Variants in VWF observed in about 807,000 individuals in gnomAD.
The protein encoded by VWF is von Willebrand factor.
In VWF, 176 loss-of-function variants were observed where a neutral mutation model predicts 308.6. That is an observed-to-expected ratio of 0.57 (90% CI 0.50 to 0.65). The LOEUF is 0.65. Among genes scored for constraint, VWF ranks in the 30% least tolerant of loss-of-function variants. The pLI, the probability that VWF is intolerant of heterozygous loss-of-function variation, is 0.00. For synonymous variants in VWF, 1,385 were observed against 1,443.4 expected (o/e 0.96, Z 0.92); for missense variants, 3,146 against 3,648.2 (o/e 0.86, Z 3.55).
chr12:6,040,411 A>G (rs920887974), intron 18 of VWF, among the ~76,000 whole-genome samples: 1 of 152,104 alleles, frequency 6.6e-6, no homozygotes, highest in African/African-American at 2.4e-5. Context: ...ATCTCTGTTC[A>G]TGGCAGGATT....
chr12:6,013,805 A>G (rs1944024508), intron 31 of VWF, among the ~76,000 whole-genome samples, 160 bp from the exon 32 acceptor site: 1 of 152,304 alleles, frequency 6.6e-6, no homozygotes, highest in Middle Eastern at 3.4e-3. Flanking sequence ...GATATTAATG[A>G]GCTGCTACTC....
At position 6,020,782 on chromosome 12, in the gene VWF, A is replaced by C. The variant is rs1308458182; in HGVS notation, c.3675-1039T>G. Among the ~76,000 whole-genome samples the C allele has an allele frequency of 3.3e-5, 5 of 152,244 alleles. No individual in the cohort carries two copies. The highest frequency in any genetic ancestry group is 1.2e-4 in the African/African-American group (5 of 41,456). On this transcript the variant is annotated intron_variant, in intron 27 of 51. Transcript: ENST00000261405. This position sits in a 1 kb window ranked among gnomAD's most constrained non-coding sequence, Gnocchi z 4.3. The stretch of plus-strand genomic sequence containing the variant: ...AAGTGTCCCCCTGCGGCTTGATACC[A>C]GGTGATGCCACCAGCCTGCTGTGGG...
At chr12:6,034,270 G>A (rs573765934) in intron 20 of VWF, among the ~76,000 whole-genome samples, 3 of 152,316 alleles carry the variant, frequency 2.0e-5, no homozygotes, top group African/African-American at 7.2e-5. Context: ...ACTGTGCACT[G>A]CCCAGGGTGC....
rs7135169 is a variant in VWF, at chr12:6,051,568, C to G, written c.2186+975G>C. ...GGATTACAGGCGTGAGCCACTGTGC[C>G]TGGCCAATCAGGATGTTTCTAACTG... On this transcript the variant is annotated intron_variant, in intron 16 of 51. Transcript: ENST00000261405. 6.6e-3 allele frequency among the ~76,000 whole-genome samples: 1,009 copies of G among 152,274 alleles called. 13 individuals are homozygous for G. Among genetic ancestry groups the G allele is most frequent in the African/African-American group, 0.023 (943 of 41,544 alleles).
chr12:5,981,957 T>TGGTGGGG lies in VWF; in HGVS notation c.7115_7116insCCCCACC (p.Ser2374ThrfsTer19). ...GCAAACGGTGCGGGGGGCAGGAGGG[T>TGGTGGGG]GGGGACACTCTTTTGCACTCCTCCT... On this transcript the variant is annotated frameshift_variant, in exon 42 of 52. Coordinates refer to ENST00000261405, the MANE Select transcript of VWF (RefSeq NM_000552.5). LOFTEE classifies it high-confidence loss of function. The TGGTGGGG allele has an allele frequency of 9.0e-7, 1 of 1,115,772 alleles. No individual in the cohort carries two copies. The highest frequency in any genetic ancestry group is 1.3e-6 in the Non-Finnish European group (1 of 775,398). 69.1% of individuals were successfully genotyped at this position (1,115,772 alleles called of 1,614,324 possible). A position where few individuals can be genotyped will look rare whatever the true frequency, so the allele number is the denominator to read the frequency against.
In VWF at chr12:6,063,975, G is replaced by A. The variant is rs1240102657; in HGVS notation, c.1432+271C>T. 2.6e-5 allele frequency among the ~76,000 whole-genome samples: 4 copies of A among 151,622 alleles called. No homozygotes were observed. Among genetic ancestry groups the A allele is most frequent in the African/African-American group, 4.8e-5 (2 of 41,242 alleles). On this transcript the variant is annotated intron_variant, in intron 12 of 51. Coordinates refer to ENST00000261405, the MANE Select transcript of VWF (RefSeq NM_000552.5). This position sits in a 1 kb window ranked among gnomAD's most constrained non-coding sequence, Gnocchi z 4.9. The stretch of plus-strand genomic sequence containing the variant: ...GTTCAAGCCAAATAAAAATCCTCTC[G>A]GTTCCCTTTTCCCATCTACACTCTG...
rs993836198 is a variant in VWF, at chr12:5,968,231, G to A, written c.7730-64C>T. 4 of 1,602,944 alleles carry A rather than the reference G, an allele frequency of 2.5e-6. No individual in the cohort carries two copies. In the Admixed American group the frequency reaches 6.7e-5, roughly 27 times the overall value. ...CACACCCTGGTGAGACCGGCGAGCA[G>A]GCTGCTCTCTTTGGGGCTCCTCCTC... On this transcript the variant is annotated intron_variant, in intron 45 of 51. Coordinates refer to ENST00000261405, the MANE Select transcript of VWF (RefSeq NM_000552.5).
chr12:6,099,113 A>G lies in VWF; in HGVS notation c.533-3529T>C, dbSNP rs1047043808. Among the ~76,000 whole-genome samples the G allele has an allele frequency of 2.0e-5, 3 of 152,084 alleles. No individual in the cohort carries two copies. The South Asian group carries it at 6.2e-4, about 32-fold the overall frequency. On this transcript the variant is annotated intron_variant, in intron 5 of 51. Coordinates refer to ENST00000261405, the MANE Select transcript of VWF (RefSeq NM_000552.5). ...GGCAGGTGGATCACTTGAGGTCAAG[A>G]GTTCAAGATCAGCCTGTCCAACATG...
rs147800614 is a variant in VWF, at chr12:5,993,065, G to A, written c.6598+797C>T. Among the ~76,000 whole-genome samples the A allele has an allele frequency of 6.9e-3, 1,056 of 152,258 alleles. 12 individuals are homozygous for A. Among genetic ancestry groups the A allele is most frequent in the African/African-American group, 0.024 (1,012 of 41,540 alleles). ...GAACAGTCCATCCACCAGCTGAGCTGGGACTAGGATGCCCAAGTCCTCCAG... is the reference window on the plus strand; with the variant it reads ...GAACAGTCCATCCACCAGCTGAGCTAGGACTAGGATGCCCAAGTCCTCCAG... On this transcript the variant is annotated intron_variant, in intron 37 of 51. Coordinates refer to ENST00000261405, the MANE Select transcript of VWF (RefSeq NM_000552.5).
intron 34 of VWF, among the ~76,000 whole-genome samples, chr12:6,009,848 A>C (rs1313722194): frequency 6.6e-6 from 1 of 152,252 alleles, no homozygotes; most frequent in African/African-American, 2.4e-5. Context: ...AACTTGGAGG[A>C]TGTTAAGCTA....
Position 6,021,962 on chromosome 12 carries a change from C to T in VWF, c.3612G>A (p.Arg1204=), listed in dbSNP as rs1371908895. 2 of 1,614,156 alleles carry T rather than the reference C, an allele frequency of 1.2e-6. No homozygotes were observed. Among genetic ancestry groups the T allele is most frequent in the South Asian group, 1.1e-5 (1 of 91,070 alleles). ...EDCPVCEVAG[R]RFASGKKVTL... ...TGACTTTCTTTCCTGAGGCAAAACG[C>T]CGGCCAGCCACCTCACACACTGGAC... The change falls in exon 27 of 52, where the codon CGG becomes CGA. Residue 1204 remains arginine (R), a synonymous_variant. Transcript: ENST00000261405.
At chr12:6,076,310 A>G (rs754111025) in intron 6 of VWF, among the ~76,000 whole-genome samples, 2 of 152,214 alleles carry the variant, frequency 1.3e-5, no homozygotes, top group Non-Finnish European at 2.9e-5. Context: ...TTACCTAGAA[A>G]CATCTCTCCA....
In VWF at chr12:5,968,166, C is replaced by T. The variant is rs767144434; in HGVS notation, c.7731G>A (p.Glu2577=). 120 of 1,614,108 alleles carry T rather than the reference C, an allele frequency of 7.4e-5. No homozygotes were observed. The South Asian group carries it at 1.3e-3, about 17-fold the overall frequency. Reference sequence around the variant, plus strand: ...CATTGAGCATGCAGGCCTCCATGCGCTCTGGGGGAGAGAAAAGTGCAGAGT... The same window carrying T: ...CATTGAGCATGCAGGCCTCCATGCGTTCTGGGGGAGAGAAAAGTGCAGAGT... The part of the protein sequence containing the change: ...TSACCPSCRC[E]RMEACMLNGT... The change falls in exon 46 of 52, where the codon GAG becomes GAA. Residue 2577 remains glutamate, a splice_region_variant and synonymous_variant. Transcript: ENST00000261405.
rs1046488712 is a variant in VWF at position 6,099,796 on chromosome 12, A to G, written c.533-4212T>C. On this transcript the variant is annotated intron_variant, in intron 5 of 51. Transcript: ENST00000261405. ...CCTAAAACCATAAAAACCCTAGAAGAAAACCTAGGCATTACCATTCAGGAC... is the reference window on the plus strand; with the variant it reads ...CCTAAAACCATAAAAACCCTAGAAGGAAACCTAGGCATTACCATTCAGGAC... Among the ~76,000 whole-genome samples, 8 of 152,162 alleles carry G rather than the reference A, an allele frequency of 5.3e-5. No individual in the cohort carries two copies. In the East Asian group the frequency reaches 1.5e-3, roughly 29 times the overall value.
At position 6,075,291 on chromosome 12, in the gene VWF, C is replaced by G. The variant is rs745706564; in HGVS notation, c.874+44G>C. On this transcript the variant is annotated intron_variant, in intron 7 of 51. Coordinates refer to ENST00000261405, the MANE Select transcript of VWF (RefSeq NM_000552.5). This position sits in a 1 kb window ranked among gnomAD's most constrained non-coding sequence, Gnocchi z 4.7. ...CTAAGGGACACCACCCAGGACAGAC[C>G]GTTCATCCCCGGCAGGGCAGGACGG... 3 of 1,612,042 alleles carry G rather than the reference C, an allele frequency of 1.9e-6. No individual in the cohort carries two copies. In the African/African-American group the frequency reaches 4.0e-5, roughly 22 times the overall value.
chr12:5,993,570 C>G (rs965818425), intron 37 of VWF, among the ~76,000 whole-genome samples: 1 of 151,068 alleles, frequency 6.6e-6, no homozygotes, highest in African/African-American at 2.4e-5. Context: ...TGGAAAGGAC[C>G]ATGCATTAAT....
Position 6,122,737 on chromosome 12 carries a change from C to T in VWF, c.55+405G>A. On this transcript the variant is annotated intron_variant, in intron 2 of 51. Coordinates refer to ENST00000261405, the MANE Select transcript of VWF (RefSeq NM_000552.5). ...CAGGAAGACTGACCTCTGATTTTGGCTCTAGGAGACTTTGGAGCAGTCATT... is the reference window on the plus strand; with the variant it reads ...CAGGAAGACTGACCTCTGATTTTGGTTCTAGGAGACTTTGGAGCAGTCATT... The T allele has an allele frequency of 5.7e-6, 3 of 529,214 alleles. 1 individual carries two copies. The highest frequency in any genetic ancestry group is 2.8e-5 in the South Asian group (2 of 71,572). The allele number at this position is 529,214 out of a possible 1,614,324, so 32.8% of individuals were successfully genotyped here. A position where few individuals can be genotyped will look rare whatever the true frequency, so the allele number is the denominator to read the frequency against.
chr12:5,985,781 T>C (rs758423471), intron 38 of VWF, 116 bp from the exon 39 acceptor site: 44 of 941,236 alleles, frequency 4.7e-5, no homozygotes, highest in Non-Finnish European at 7.2e-5. Context: ...CCCAGCCCTC[T>C]GACAGAGCCT....
rs200523230 is a variant in VWF at position 6,088,492 on chromosome 12, AGCG to A, written c.657+6965_657+6967del. ...AGACTCTGTCTAAAAAAAAAAAAAA[AGCG>A]AGAGAGAGAGAGAGAAAGGGGTGCC... On this transcript the variant is annotated intron_variant, in intron 6 of 51. Transcript: ENST00000261405. Among the ~76,000 whole-genome samples, 9 of 139,288 alleles carry A rather than the reference AGCG, an allele frequency of 6.5e-5. 1 individual carries two copies. The highest frequency in any genetic ancestry group is 2.8e-4 in the African/African-American group (9 of 32,108). 91.4% of individuals were successfully genotyped at this position (139,288 alleles called of 152,430 possible).
Sources: gnomAD v4.1 joint callset for allele counts (sites outside exome capture counted in the v4.1 genomes callset) on GRCh38, gnomAD v4.1.1 for gene constraint, Gnocchi (gnomAD v3.1) non-coding constraint, MANE v1.5 for transcripts, NCBI Gene and HGNC (gene_info 2026-07-23, HGNC 2026-07-21) for gene names.